ARHGAP6: variants seen among roughly 807,000 people sequenced by gnomAD.
The protein encoded by ARHGAP6 is Rho GTPase activating protein 6, also known as rho GTPase-activating protein 6.
Under a neutral mutation model 55.7 loss-of-function variants are expected in ARHGAP6, and 16 were observed. The ratio of observed to expected loss-of-function variants is 0.29; its 90% CI spans 0.19 to 0.44. The LOEUF (loss-of-function observed/expected upper bound fraction) is 0.44, where lower values mean the gene tolerates loss of function less well. Among genes scored for constraint, ARHGAP6 ranks in the 20% least tolerant of loss-of-function variants. ARHGAP6 has a pLI of 1.00. For missense variants in ARHGAP6, 698 were observed against 808.9 expected, an observed-to-expected ratio of 0.86 and a Z score of 1.66; for synonymous variants, 382 against 360.9, an observed-to-expected ratio of 1.06 and a Z score of -0.66.
chrX:11,424,054 C>T (rs1189938382), intron 1 of ARHGAP6, among the ~76,000 whole-genome samples: 1 of 112,692 alleles, frequency 8.9e-6, no homozygotes, highest in Non-Finnish European at 1.9e-5. Flanking sequence ...TGCAATTTGA[C>T]AATACAGATA....
chrX:11,660,967 C>A (rs1170180680), intron 1 of ARHGAP6, among the ~76,000 whole-genome samples: 2 of 111,681 alleles, frequency 1.8e-5, no homozygotes, highest in African/African-American at 6.5e-5. Context: ...ACTCACCTGT[C>A]CCCTCATTAG....
intron 1 of ARHGAP6, among the ~76,000 whole-genome samples, chrX:11,379,572 TAACA>T (rs1295529657): frequency 8.9e-5 from 10 of 112,349 alleles, no homozygotes; most frequent in African/African-American, 2.9e-4. Flanking sequence ...TCATCAGGTT[TAACA>T]AACAAAATCC....
chrX:11,290,178 C>T (rs1314386502), intron 1 of ARHGAP6, among the ~76,000 whole-genome samples: 1 of 111,728 alleles, frequency 9.0e-6, no homozygotes, highest in East Asian at 2.8e-4. Flanking sequence ...GAGAGCAATG[C>T]TGAATTATCC....
At chrX:11,310,531 A>C (rs2048288707) in intron 1 of ARHGAP6, among the ~76,000 whole-genome samples, 1 of 111,943 alleles carries the variant, frequency 8.9e-6, no homozygotes, top group Non-Finnish European at 1.9e-5. Context: ...GTACTGATAA[A>C]TACTACAACA....
At chrX:11,457,080 A>C (rs1457908488) in intron 1 of ARHGAP6, among the ~76,000 whole-genome samples, 2 of 111,743 alleles carry the variant, frequency 1.8e-5, no homozygotes, top group East Asian at 2.8e-4. Context: ...AACCCTGTGC[A>C]TATCCCCTAG....
intron 2 of ARHGAP6, among the ~76,000 whole-genome samples, chrX:11,244,527 A>G (rs2047327329): frequency 1.8e-5 from 2 of 112,084 alleles, no homozygotes; most frequent in South Asian, 7.5e-4. Flanking sequence ...TTGATTCCAA[A>G]TGACCTAAAA....
intron 1 of ARHGAP6, among the ~76,000 whole-genome samples, chrX:11,388,653 G>A (rs1027944960): frequency 3.6e-5 from 4 of 111,592 alleles, no homozygotes; most frequent in African/African-American, 1.3e-4. Flanking sequence ...GAATGGTAAT[G>A]CCTAGGTTTT....
intron 1 of ARHGAP6, among the ~76,000 whole-genome samples, chrX:11,386,316 C>T (rs1036876713): frequency 2.0e-4 from 23 of 113,096 alleles, no homozygotes; most frequent in African/African-American, 7.0e-4. Flanking sequence ...ATGAAAGTTG[C>T]TGGTAGGGCT....
chrX:11,516,578 A>G (rs1003415402), intron 1 of ARHGAP6, among the ~76,000 whole-genome samples: 1 of 112,319 alleles, frequency 8.9e-6, no homozygotes, highest in African/African-American at 3.2e-5. Context: ...GCATTCTATT[A>G]GATTTAACAC....
intron 1 of ARHGAP6, among the ~76,000 whole-genome samples, chrX:11,274,192 C>G (rs768700512): frequency 8.9e-6 from 1 of 111,918 alleles, no homozygotes; most frequent in Admixed American, 9.5e-5. Context: ...AGTTTTCTTA[C>G]AAATATTCTA....
chrX:11,300,614 AG>A, intron 1 of ARHGAP6: 2 of 1,196,914 alleles, frequency 1.7e-6, no homozygotes, highest in Non-Finnish European at 2.3e-6. Flanking sequence ...CAGGATTAAA[AG>A]ATCAGAAGAT....
chrX:11,461,056 C>T (rs1022439228), intron 1 of ARHGAP6, among the ~76,000 whole-genome samples: 3 of 111,786 alleles, frequency 2.7e-5, no homozygotes, highest in Admixed American at 1.9e-4. Flanking sequence ...AACTGAGATG[C>T]CACCATCTTA....
intron 1 of ARHGAP6, among the ~76,000 whole-genome samples, chrX:11,400,048 A>G (rs954589596): frequency 1.8e-5 from 2 of 111,971 alleles, no homozygotes; most frequent in African/African-American, 6.5e-5. Context: ...GAAAGTAATT[A>G]GTAGTTGCCA....
chrX:11,587,340 A>G (rs775998710), intron 1 of ARHGAP6, among the ~76,000 whole-genome samples: 2 of 111,711 alleles, frequency 1.8e-5, no homozygotes, highest in Non-Finnish European at 3.8e-5. Flanking sequence ...ATTTTGAGGT[A>G]TCTATATAAT....
chrX:11,574,205 A>G (rs1212081599), intron 1 of ARHGAP6, among the ~76,000 whole-genome samples: 26 of 111,535 alleles, frequency 2.3e-4, no homozygotes, highest in Non-Finnish European at 4.5e-4. Flanking sequence ...AAAAGAGGGA[A>G]TCCTCCCTAA....
chrX:11,499,800 G>A (rs1246872868), intron 1 of ARHGAP6, among the ~76,000 whole-genome samples: 1 of 111,729 alleles, frequency 9.0e-6, no homozygotes, highest in African/African-American at 3.3e-5. Context: ...AGGAAGCAGC[G>A]GCATGGAGGT....
At chrX:11,228,217 CT>C (rs1569265030) in intron 2 of ARHGAP6, among the ~76,000 whole-genome samples, 1 of 111,695 alleles carries the variant, frequency 9.0e-6, no homozygotes, top group Non-Finnish European at 1.9e-5. Context: ...GACTGACAGT[CT>C]TTTTCTGTCT....
At chrX:11,397,032 G>C (rs768994766) in intron 1 of ARHGAP6, among the ~76,000 whole-genome samples, 2 of 111,352 alleles carry the variant, frequency 1.8e-5, no homozygotes, top group African/African-American at 6.5e-5. Flanking sequence ...CCATTCTTGG[G>C]AGTAGATGGT....
chrX:11,266,656 C>T (rs2047631332), intron 1 of ARHGAP6, among the ~76,000 whole-genome samples: 1 of 111,393 alleles, frequency 9.0e-6, no homozygotes, highest in African/African-American at 3.3e-5. Context: ...TAATTCCAAT[C>T]GCGAATTACC....
Sources: allele counts gnomAD v4.1 joint callset (sites outside exome capture counted in the v4.1 genomes callset), GRCh38; gene constraint gnomAD v4.1.1; transcripts MANE v1.5; gene names NCBI Gene and HGNC (gene_info 2026-07-23, HGNC 2026-07-21).